IGFL2: variants seen among roughly 807,000 people sequenced by gnomAD.
IGFL2 encodes insulin growth factor-like family member 2.
A neutral mutation model predicts 13.9 loss-of-function variants in IGFL2; 7 were observed. The observed-to-expected ratio is 0.51, with a 90% CI of 0.29 to 0.95. The LOEUF (loss-of-function observed/expected upper bound fraction) is 0.95. IGFL2 is among the 40% of genes least tolerant of loss of function. The probability of loss-of-function intolerance (pLI) is 0.08; values close to 1 mark genes in which losing one functional copy is unlikely to be tolerated. For missense variants in IGFL2, 138 were observed against 147.8 expected, an observed-to-expected ratio of 0.93 and a Z score of 0.34; for synonymous variants, 55 against 55.8, an observed-to-expected ratio of 0.99 and a Z score of 0.07.
chr19:46,176,165 T>TA, the IGFL2 span, among the ~76,000 whole-genome samples: 1 of 145,224 alleles, frequency 6.9e-6, no homozygotes, highest in East Asian at 2.0e-4. Context: ...GCACTATTTT[T>TA]AAAAATCAAA....
At chr19:46,120,245 T>C in the IGFL2 span, 1 of 1,588,474 alleles carries the variant, frequency 6.3e-7, no homozygotes, top group Non-Finnish European at 8.6e-7. Context: ...GTTGCTTCTC[T>C]CCGAAGTTCA....
At chr19:46,097,579 A>G in the IGFL2 span, among the ~76,000 whole-genome samples, 2 of 151,804 alleles carry the variant, frequency 1.3e-5, no homozygotes, top group Non-Finnish European at 2.9e-5. Flanking sequence ...TTGGTTTTCT[A>G]GTTCTTTTAG....
At chr19:46,141,235 T>A (rs1020798644), upstream of IGFL2, among the ~76,000 whole-genome samples, 2 of 152,084 alleles carry the variant, frequency 1.3e-5, no homozygotes, top group Non-Finnish European at 1.5e-5. Context: ...CCAGCAAAAA[T>A]GCAAGAGATC....
chr19:46,206,625 T>A, the IGFL2 span: 4 of 152,260 alleles, frequency 2.6e-5, no homozygotes, highest in African/African-American at 9.6e-5. Context: ...AGCACTCATA[T>A]TACATCAGTC....
the IGFL2 span, chr19:46,209,887 A>G: frequency 6.6e-6 from 1 of 152,198 alleles, no homozygotes; most frequent in Non-Finnish European, 1.5e-5. Flanking sequence ...TCAAAATATC[A>G]CAGATGATTG....
At chr19:46,202,211 AG>A in the IGFL2 span, among the ~76,000 whole-genome samples, 2 of 152,206 alleles carry the variant, frequency 1.3e-5, no homozygotes, top group Non-Finnish European at 2.9e-5. Flanking sequence ...GATGTGTAAA[AG>A]GATGCCTGGA....
At chr19:46,127,788 T>G in the IGFL2 span, among the ~76,000 whole-genome samples, 7 of 152,326 alleles carry the variant, frequency 4.6e-5, no homozygotes, top group East Asian at 9.6e-4. Context: ...TTAAAAAATC[T>G]ACTTTTAATT....
the IGFL2 span, chr19:46,136,836 A>G: frequency 4.2e-6 from 3 of 708,216 alleles, no homozygotes; most frequent in Non-Finnish European, 7.9e-6. Context: ...GTCCTGGTTG[A>G]GATCCATTGG....
At chr19:46,088,897 G>C in the IGFL2 span, among the ~76,000 whole-genome samples, 1 of 152,142 alleles carries the variant, frequency 6.6e-6, no homozygotes, top group African/African-American at 2.4e-5. Flanking sequence ...GAAATAATCA[G>C]CAAAGCTATA....
chr19:46,137,652 A>G, the IGFL2 span: 4 of 687,032 alleles, frequency 5.8e-6, no homozygotes, highest in South Asian at 6.2e-5. Context: ...CAGGATGGGG[A>G]CACCTATGCG....
At chr19:46,152,272 T>C (rs2146849774) in intron 1 of IGFL2, among the ~76,000 whole-genome samples, 1 of 151,730 alleles carries the variant, frequency 6.6e-6, no homozygotes, top group African/African-American at 2.4e-5. Flanking sequence ...TTAGGTTTTT[T>C]TTTTTTTTTC....
chr19:46,194,365 G>C, the IGFL2 span, among the ~76,000 whole-genome samples: 1 of 152,092 alleles, frequency 6.6e-6, no homozygotes. Context: ...AACCTCCTGT[G>C]GTATCAGCCA....
At chr19:46,121,515 G>A in the IGFL2 span, among the ~76,000 whole-genome samples, 1 of 150,516 alleles carries the variant, frequency 6.6e-6, no homozygotes, top group Non-Finnish European at 1.5e-5. Flanking sequence ...ACTGAGAGGA[G>A]TAGTATTTTC....
chr19:46,098,975 A>G, the IGFL2 span, among the ~76,000 whole-genome samples: 166 of 152,148 alleles, frequency 1.1e-3, no homozygotes, highest in African/African-American at 3.8e-3. Context: ...TTTCCTTTCC[A>G]TATTTAGTGC....
At chr19:46,167,812 A>C in the IGFL2 span, among the ~76,000 whole-genome samples, 1 of 152,116 alleles carries the variant, frequency 6.6e-6, no homozygotes, top group Non-Finnish European at 1.5e-5. Flanking sequence ...GCACACACAA[A>C]AGAAGAGGCC....
the IGFL2 span, among the ~76,000 whole-genome samples, chr19:46,097,445 A>G: frequency 6.6e-6 from 1 of 151,576 alleles, no homozygotes; most frequent in South Asian, 2.1e-4. Context: ...GATTTTATTA[A>G]TTTCTTTTCA....
chr19:46,149,302 T>TCTCCCC (rs1413399551), intron 1 of IGFL2, among the ~76,000 whole-genome samples: 3 of 42,402 alleles, frequency 7.1e-5, no homozygotes, highest in African/African-American at 2.0e-4. Flanking sequence ...CCTCTTCCCC[T>TCTCCCC]CTCCCCCTCC....
upstream of IGFL2, among the ~76,000 whole-genome samples, chr19:46,139,158 G>A (rs1334282933): frequency 6.6e-6 from 1 of 151,842 alleles, no homozygotes; most frequent in South Asian, 2.1e-4. Flanking sequence ...GCAACCCTGT[G>A]CAGGGTTTCC....
the IGFL2 span, among the ~76,000 whole-genome samples, chr19:46,193,318 G>A: frequency 2.7e-4 from 41 of 152,252 alleles, 1 homozygote; most frequent in Admixed American, 2.4e-3. Flanking sequence ...GTCATCCTTC[G>A]TGCAGCATAT....
Sources: allele counts gnomAD v4.1 joint callset (sites outside exome capture counted in the v4.1 genomes callset), GRCh38; gene constraint gnomAD v4.1.1; transcripts MANE v1.5; gene names NCBI Gene and HGNC (gene_info 2026-07-23, HGNC 2026-07-21).